COL10A1: variants seen among roughly 807,000 people sequenced by gnomAD.
The protein encoded by COL10A1 is collagen alpha-1(X) chain.
A neutral mutation model predicts 18.2 loss-of-function variants in COL10A1; 10 were observed. The ratio of observed to expected loss-of-function variants is 0.55; its 90% CI spans 0.34 to 0.93. The LOEUF (loss-of-function observed/expected upper bound fraction) is 0.93, where lower values mean the gene tolerates loss of function less well. Among genes scored for constraint, COL10A1 ranks in the 40% least tolerant of loss-of-function variants. The probability of loss-of-function intolerance (pLI) is 0.02; values close to 1 mark genes in which losing one functional copy is unlikely to be tolerated. For missense variants in COL10A1, 897 were observed against 853.5 expected (o/e 1.05, Z -0.64); for synonymous variants, 330 against 316.6 (o/e 1.04, Z -0.45).
chr6:116,186,039 T>C, the COL10A1 span, among the ~76,000 whole-genome samples: 263 of 152,250 alleles, frequency 1.7e-3, 3 homozygotes, highest in African/African-American at 5.6e-3. Context: ...GAGCTTCTTA[T>C]AGTGGTTCTT....
rs755537132 is a variant in COL10A1 at position 116,120,221 on chromosome 6, T to A, written c.1895A>T (p.Tyr632Phe). The change falls in exon 3 of 3, where the codon TAC (tyrosine) becomes TTC (phenylalanine). Residue 632 changes from tyrosine (Y) to phenylalanine (F), a missense_variant. Coordinates refer to ENST00000651968, the MANE Select transcript of COL10A1 (RefSeq NM_000493.4). ...GGCACTCCCTGAAGCCTGATCCAGG[T>A]AGCCTTTGGTGTATTCATCATAGGT... ...MYTYDEYTKG[Y>F]LDQASGSAII... 6.2e-7 allele frequency: 1 copy of A among 1,614,176 alleles called. No homozygotes were observed. Among genetic ancestry groups the A allele is most frequent in the East Asian group, 2.2e-5 (1 of 44,884 alleles).
chr6:116,210,956 C>A, the COL10A1 span, among the ~76,000 whole-genome samples: 1 of 151,998 alleles, frequency 6.6e-6, no homozygotes, highest in Non-Finnish European at 1.5e-5. Flanking sequence ...AGAAGTCACA[C>A]CTTTCTGTTT....
chr6:116,206,586 A>G, the COL10A1 span, among the ~76,000 whole-genome samples: 1 of 152,002 alleles, frequency 6.6e-6, no homozygotes, highest in African/African-American at 2.4e-5. Flanking sequence ...ATGGAATAGC[A>G]ACTCTCCTTA....
chr6:116,181,365 A>G, the COL10A1 span, among the ~76,000 whole-genome samples: 7 of 152,108 alleles, frequency 4.6e-5, no homozygotes, highest in Admixed American at 2.0e-4. Flanking sequence ...TGCAAAACTA[A>G]CATTGGAATT....
At chr6:116,165,746 G>T in the COL10A1 span, among the ~76,000 whole-genome samples, 1 of 152,214 alleles carries the variant, frequency 6.6e-6, no homozygotes, top group Non-Finnish European at 1.5e-5. Context: ...TCTAGGGGCA[G>T]CCTGTGCTTA....
chr6:116,145,070 T>A (rs1397127116), intron 1 of COL10A1, among the ~76,000 whole-genome samples: 3 of 152,194 alleles, frequency 2.0e-5, no homozygotes, highest in African/African-American at 7.2e-5. Context: ...GCCTTTTAAA[T>A]CTAATATATC....
chr6:116,150,640 A>G (rs1052556653), intron 1 of COL10A1, among the ~76,000 whole-genome samples: 5 of 152,210 alleles, frequency 3.3e-5, no homozygotes, highest in African/African-American at 1.2e-4. Context: ...TCCCTGGACA[A>G]GAGTGAGTTT....
the COL10A1 span, among the ~76,000 whole-genome samples, chr6:116,208,967 A>T: frequency 6.6e-6 from 1 of 151,974 alleles, no homozygotes; most frequent in Admixed American, 6.6e-5. Context: ...ACATAAAGGT[A>T]TTTATGTTGT....
chr6:116,149,764 G>A (rs1294132532), intron 1 of COL10A1, among the ~76,000 whole-genome samples: 2 of 152,214 alleles, frequency 1.3e-5, no homozygotes, highest in African/African-American at 2.4e-5. Flanking sequence ...AATAAGTGGT[G>A]AAAGAGTTAT....
At chr6:116,216,821 AAATT>A in the COL10A1 span, among the ~76,000 whole-genome samples, 1 of 152,212 alleles carries the variant, frequency 6.6e-6, no homozygotes, top group African/African-American at 2.4e-5. Flanking sequence ...TCTTTTAAGA[AAATT>A]AATTATATCA....
chr6:116,179,364 T>C, the COL10A1 span, among the ~76,000 whole-genome samples: 1 of 152,120 alleles, frequency 6.6e-6, no homozygotes, highest in South Asian at 2.1e-4. Context: ...AGAATTGGGG[T>C]TTTAGCATTC....
chr6:116,132,659 C>T (rs750761516), intron 1 of COL10A1, among the ~76,000 whole-genome samples: 2 of 152,102 alleles, frequency 1.3e-5, no homozygotes, highest in Non-Finnish European at 2.9e-5. Flanking sequence ...AGTTACATTT[C>T]TGATGTGACA....
At chr6:116,163,076 G>A (rs953551252), upstream of COL10A1, among the ~76,000 whole-genome samples, 14 of 144,248 alleles carry the variant, frequency 9.7e-5, no homozygotes, top group Admixed American at 2.8e-4. Flanking sequence ...GCAGTGAGCC[G>A]AGATCGTGCC....
intron 1 of COL10A1, among the ~76,000 whole-genome samples, chr6:116,148,320 A>G (rs1001766969): frequency 1.3e-5 from 2 of 152,282 alleles, no homozygotes; most frequent in Admixed American, 1.3e-4. Context: ...TATTTTTAAA[A>G]ATCCTTACAA....
chr6:116,190,845 T>C, the COL10A1 span, among the ~76,000 whole-genome samples: 1 of 152,030 alleles, frequency 6.6e-6, no homozygotes, highest in Non-Finnish European at 1.5e-5. Context: ...AGAGACAGGT[T>C]CTCAGTTTCG....
chr6:116,158,350 C>T (rs957909791), intron 1 of COL10A1, among the ~76,000 whole-genome samples: 5 of 151,840 alleles, frequency 3.3e-5, no homozygotes, highest in African/African-American at 1.2e-4. Context: ...ATCTCCTACT[C>T]AAGCTTCTCT....
chr6:116,184,674 G>A, the COL10A1 span, among the ~76,000 whole-genome samples: 1 of 151,972 alleles, frequency 6.6e-6, no homozygotes, highest in Non-Finnish European at 1.5e-5. Flanking sequence ...TATGCCCATA[G>A]AGGTGTTCAT....
chr6:116,142,368 C>A (rs1377353609), intron 1 of COL10A1, among the ~76,000 whole-genome samples: 1 of 151,184 alleles, frequency 6.6e-6, no homozygotes, highest in Non-Finnish European at 1.5e-5. Flanking sequence ...AACATAAAAA[C>A]CACATAAACT....
At chr6:116,177,978 G>A in the COL10A1 span, among the ~76,000 whole-genome samples, 2 of 152,056 alleles carry the variant, frequency 1.3e-5, no homozygotes, top group South Asian at 4.2e-4. Flanking sequence ...ACCTTTCACT[G>A]CAGCATCAAG....
Sources: gnomAD v4.1 joint callset for allele counts (sites outside exome capture counted in the v4.1 genomes callset) on GRCh38, gnomAD v4.1.1 for gene constraint, MANE v1.5 for transcripts, NCBI Gene and HGNC (gene_info 2026-07-23, HGNC 2026-07-21) for gene names.